CCDC7: variants seen among roughly 807,000 people sequenced by gnomAD.
CCDC7 encodes the protein coiled-coil domain containing 7, also known as coiled-coil domain-containing protein 7.
CCDC7 carries 183 observed loss-of-function variants against 196.9 expected under a neutral mutation model. The ratio of observed to expected loss-of-function variants is 0.93; its 90% confidence interval spans 0.82 to 1.05. CCDC7 has a LOEUF of 1.05. Ranked by LOEUF, CCDC7 falls within the 50% of genes least tolerant of loss-of-function variation. CCDC7 has a pLI of 0.00. For synonymous variants in CCDC7, 525 were observed against 484.6 expected, an observed-to-expected ratio of 1.08 and a Z score of -1.10; for missense variants, 1,540 against 1,482.2, an observed-to-expected ratio of 1.04 and a Z score of -0.64.
intron 25 of CCDC7, among the ~76,000 whole-genome samples, chr10:32,721,207 A>T (rs375379954): frequency 7.2e-4 from 110 of 152,326 alleles, no homozygotes; most frequent in African/African-American, 2.5e-3. Context: ...ACACTATTTT[A>T]TGGCTATGAG....
At chr10:32,699,686 C>G (rs1200029438) in intron 24 of CCDC7, among the ~76,000 whole-genome samples, 3 of 149,508 alleles carry the variant, frequency 2.0e-5, no homozygotes, top group African/African-American at 5.1e-5. Flanking sequence ...TAAAAGCTTT[C>G]CTATTTCTAT....
chr10:32,605,743 A>G lies in CCDC7; in HGVS notation c.1801+21439A>G, dbSNP rs565641132. On this transcript the variant is annotated intron_variant, in intron 18 of 41. Transcript: ENST00000639629. ...TAGCCTGGCTGCTTCCAGCAACCTA[A>G]GTCAGATACAGGAGCAAAGAAATGA... Among the ~76,000 whole-genome samples the G allele has an allele frequency of 5.3e-5, 8 of 152,360 alleles. No homozygotes were observed. The East Asian group carries it at 1.3e-3, about 26-fold the overall frequency.
At chr10:32,593,652 G>GGTTTT (rs1382359310) in intron 18 of CCDC7, among the ~76,000 whole-genome samples, 2 of 152,108 alleles carry the variant, frequency 1.3e-5, no homozygotes, top group Non-Finnish European at 2.9e-5. Context: ...GTATTGCCTA[G>GGTTTT]GTTTTCTTCA....
At chr10:32,547,968 A>G (rs1220647139) in intron 13 of CCDC7, among the ~76,000 whole-genome samples, 3 of 152,044 alleles carry the variant, frequency 2.0e-5, no homozygotes, top group African/African-American at 7.2e-5. Context: ...TCAAGTCCCC[A>G]AAGTCTATTG....
At chr10:32,841,179 C>G (rs973278046) in intron 33 of CCDC7, among the ~76,000 whole-genome samples, 1 of 151,932 alleles carries the variant, frequency 6.6e-6, no homozygotes, top group African/African-American at 2.4e-5. Context: ...AAATAAAGGG[C>G]ATCCAAATTG....
chr10:32,547,227 A>G (rs1454495029), intron 13 of CCDC7, among the ~76,000 whole-genome samples: 1 of 152,078 alleles, frequency 6.6e-6, no homozygotes, highest in Non-Finnish European at 1.5e-5. Flanking sequence ...AGCTCTTGCT[A>G]TGTTGCCCAG....
chr10:32,667,925 TG>T (rs1305138475), intron 21 of CCDC7, among the ~76,000 whole-genome samples: 9 of 152,098 alleles, frequency 5.9e-5, no homozygotes, highest in African/African-American at 2.2e-4. Flanking sequence ...GGTAGCTTGA[TG>T]GGGATGGCAT....
At chr10:32,503,816 C>T (rs1360914485) in intron 9 of CCDC7, among the ~76,000 whole-genome samples, 1 of 151,858 alleles carries the variant, frequency 6.6e-6, no homozygotes, top group South Asian at 2.1e-4. Context: ...CATTATTGGT[C>T]TTTTCAGATT....
Position 32,584,752 on chromosome 10 carries a change from C to CAA in CCDC7, c.1801+472_1801+473dup, listed in dbSNP as rs749922864. On this transcript the variant is annotated intron_variant, in intron 18 of 41. Transcript: ENST00000639629. ...TGGGCGACAGAGTGACACTTCATCT[C>CAA]AAAAAAAAAAAAAAAAAAAAAAAAA... 3.6e-3 allele frequency among the ~76,000 whole-genome samples: 200 copies of CAA among 56,280 alleles called. 5 individuals are homozygous for CAA. Among genetic ancestry groups the CAA allele is most frequent in the African/African-American group, 5.7e-3 (60 of 10,570 alleles). The allele number at this position is 56,280 out of a possible 152,430, so 36.9% of individuals were successfully genotyped here. A position where few individuals can be genotyped will look rare whatever the true frequency, so the allele number is the denominator to read the frequency against.
intron 31 of CCDC7, among the ~76,000 whole-genome samples, chr10:32,819,516 AAG>A (rs1347459348): frequency 1.3e-5 from 2 of 152,218 alleles, no homozygotes; most frequent in African/African-American, 2.4e-5. Flanking sequence ...CAACAAAAAA[AAG>A]AGAATTTTAG....
intron 24 of CCDC7, among the ~76,000 whole-genome samples, chr10:32,708,443 A>G (rs1396781800): frequency 6.6e-6 from 1 of 152,226 alleles, no homozygotes; most frequent in Non-Finnish European, 1.5e-5. Context: ...ACCAAAAGCA[A>G]TGGCAACGAA....
chr10:32,605,796 G>A (rs748723634), intron 18 of CCDC7, among the ~76,000 whole-genome samples: 16 of 152,030 alleles, frequency 1.1e-4, no homozygotes, highest in Non-Finnish European at 2.2e-4. Context: ...TATTTAAAAG[G>A]GAAGCAGAGA....
At chr10:32,758,285 G>T (rs1229243674) in intron 28 of CCDC7, among the ~76,000 whole-genome samples, 1 of 152,138 alleles carries the variant, frequency 6.6e-6, no homozygotes, top group Admixed American at 6.6e-5. Context: ...AAACCTGGCA[G>T]AGACACAACA....
chr10:32,854,508 T>C lies in CCDC7; in HGVS notation c.4111+19T>C, dbSNP rs1170048181. 7.4e-7 allele frequency: 1 copy of C among 1,346,340 alleles called. No individual in the cohort carries two copies. Among genetic ancestry groups the C allele is most frequent in the Admixed American group, 1.8e-5 (1 of 54,858 alleles). 83.4% of individuals were successfully genotyped at this position (1,346,340 alleles called of 1,614,324 possible). ...TATAAAGGTAAAAGAATCACTACAA[T>C]ACAGACATATGAAATAAAACTTTAT... On this transcript the variant is annotated intron_variant, in intron 41 of 41. Coordinates refer to ENST00000639629, the Ensembl canonical transcript of CCDC7.
chr10:32,596,929 C>T (rs2060433913), intron 18 of CCDC7, among the ~76,000 whole-genome samples: 2 of 152,102 alleles, frequency 1.3e-5, no homozygotes, highest in African/African-American at 2.4e-5. Context: ...TTGTGGGTAA[C>T]CCGACCTTTC....
intron 28 of CCDC7, among the ~76,000 whole-genome samples, chr10:32,759,247 A>G (rs1465059695): frequency 6.6e-6 from 1 of 152,190 alleles, no homozygotes; most frequent in African/African-American, 2.4e-5. Context: ...AAACTACTTT[A>G]AAGTTCATAT....
At chr10:32,459,282 G>A (rs2035066663) in intron 3 of CCDC7, among the ~76,000 whole-genome samples, 1 of 152,046 alleles carries the variant, frequency 6.6e-6, no homozygotes, top group Non-Finnish European at 1.5e-5. Context: ...TTCCCTAGGA[G>A]AGTTCTGAGT....
chr10:32,500,610 C>G (rs2043836010), intron 9 of CCDC7, among the ~76,000 whole-genome samples: 1 of 151,976 alleles, frequency 6.6e-6, no homozygotes, highest in Admixed American at 6.6e-5. Flanking sequence ...CGATGGGCGG[C>G]CAGGCAGAGA....
chr10:32,796,183 G>A (rs2083523919), intron 29 of CCDC7, among the ~76,000 whole-genome samples: 1 of 151,700 alleles, frequency 6.6e-6, no homozygotes, highest in Non-Finnish European at 1.5e-5. Context: ...GCTTCTCTGT[G>A]GTCCTAAAAA....
Sources: allele counts gnomAD v4.1 joint callset (sites outside exome capture counted in the v4.1 genomes callset), GRCh38; gene constraint gnomAD v4.1.1; transcripts MANE v1.5; gene names NCBI Gene and HGNC (gene_info 2026-07-23, HGNC 2026-07-21).